Variants in COBL observed in about 807,000 individuals in gnomAD.
The protein encoded by COBL is cordon-bleu WH2 repeat protein.
In COBL, 51 loss-of-function variants were observed where a neutral mutation model predicts 98.8. The observed-to-expected ratio is 0.52, with a 90% CI of 0.41 to 0.65. The LOEUF is 0.65. Among genes scored for constraint, COBL ranks in the 30% least tolerant of loss-of-function variants. The pLI is 0.00. For synonymous variants in COBL, 634 were observed against 651.7 expected, an observed-to-expected ratio of 0.97 and a Z score of 0.41; for missense variants, 1,617 against 1,617.5, an observed-to-expected ratio of 1.00 and a Z score of 0.01.
chr7:51,247,451 G>T (rs1320901823), intron 1 of COBL, among the ~76,000 whole-genome samples: 1 of 152,194 alleles, frequency 6.6e-6, no homozygotes, highest in Non-Finnish European at 1.5e-5. Context: ...AAACGAAATA[G>T]GAATTTTTAA....
chr7:51,084,414 C>G (rs1793997963), intron 7 of COBL, among the ~76,000 whole-genome samples: 1 of 152,096 alleles, frequency 6.6e-6, no homozygotes, highest in Non-Finnish European at 1.5e-5. Flanking sequence ...GGTGTGACTC[C>G]TAGGCTGCCA....
At chr7:51,220,010 G>A (rs903689348) in intron 1 of COBL, 66 bp from the exon 2 acceptor site, 21 of 1,475,162 alleles carry the variant, frequency 1.4e-5, no homozygotes, top group Non-Finnish European at 1.8e-5. Flanking sequence ...GGAATAATTC[G>A]TTCTTACACA....
rs541708227 is a variant in COBL at position 51,097,896 on chromosome 7, C to T, written c.958-12592G>A. Among the ~76,000 whole-genome samples, 27 of 151,788 alleles carry T rather than the reference C, an allele frequency of 1.8e-4. 1 individual carries two copies. In the South Asian group the frequency reaches 5.4e-3, roughly 31 times the overall value. On this transcript the variant is annotated intron_variant, in intron 6 of 12. Coordinates refer to ENST00000265136, the MANE Select transcript of COBL (RefSeq NM_015198.5). ...AAAATTATCCGGGCATGGTGGCGGG[C>T]ACCTGTAGTCCCAGCTACTCAGGAG...
chr7:51,303,286 C>G (rs1462409338), intron 1 of COBL, among the ~76,000 whole-genome samples: 1 of 152,112 alleles, frequency 6.6e-6, no homozygotes, highest in Non-Finnish European at 1.5e-5. Flanking sequence ...CCGGGCCGGG[C>G]GTGGTGGCTC....
chr7:51,288,661 G>A (rs1042641063), intron 1 of COBL, among the ~76,000 whole-genome samples: 1 of 151,078 alleles, frequency 6.6e-6, no homozygotes, highest in African/African-American at 2.4e-5. Context: ...GGCTGAGGCA[G>A]GAGAATCGCT....
intron 1 of COBL, among the ~76,000 whole-genome samples, chr7:51,239,427 AAG>A (rs376857751): frequency 8.9e-4 from 135 of 152,344 alleles, no homozygotes; most frequent in Non-Finnish European, 1.7e-3. Flanking sequence ...TATGTCAAAA[AAG>A]GGGGTGAACC....
At chr7:51,240,603 C>T (rs1795696920) in intron 1 of COBL, among the ~76,000 whole-genome samples, 1 of 151,980 alleles carries the variant, frequency 6.6e-6, no homozygotes, top group Non-Finnish European at 1.5e-5. Context: ...CTGGAGTGCA[C>T]TGGCGCGATC....
At chr7:51,104,121 T>C (rs1796046836) in intron 6 of COBL, among the ~76,000 whole-genome samples, 1 of 152,240 alleles carries the variant, frequency 6.6e-6, no homozygotes, top group Non-Finnish European at 1.5e-5. Context: ...TAAAAGAGAT[T>C]TGTACATAAC....
At chr7:51,033,983 G>C (rs939880174) in intron 8 of COBL, 1 of 152,290 alleles carries the variant, frequency 6.6e-6, no homozygotes, top group African/African-American at 2.4e-5. Context: ...GCTTGGGGCT[G>C]CTTCTGAGCT....
intron 2 of COBL, among the ~76,000 whole-genome samples, chr7:51,208,992 G>T (rs1792117270): frequency 7.2e-6 from 1 of 139,606 alleles, no homozygotes; most frequent in Non-Finnish European, 1.5e-5. Context: ...CTCCACTATT[G>T]TCCTATGACC....
chr7:51,116,252 G>C (rs1797262272), intron 6 of COBL, among the ~76,000 whole-genome samples: 1 of 151,996 alleles, frequency 6.6e-6, no homozygotes, highest in East Asian at 1.9e-4. Context: ...CCTGTTTATT[G>C]TTTCTCTGTT....
chr7:51,309,163 G>A lies in COBL; in HGVS notation c.41+7430C>T, dbSNP rs535079340. ...ACGGCTAAGATCTCTGATCCCCCCT[G>A]CCTCCAAGCTGCCCTTTTAAGGACG... is the stretch of plus-strand genomic sequence containing the variant. On this transcript the variant is annotated intron_variant, in intron 1 of 12. Coordinates refer to ENST00000265136, the MANE Select transcript of COBL (RefSeq NM_015198.5). Among the ~76,000 whole-genome samples, 13 of 152,244 alleles carry A rather than the reference G, an allele frequency of 8.5e-5. No homozygotes were observed. The East Asian group carries it at 2.1e-3, about 25-fold the overall frequency.
At chr7:51,203,418 C>T (rs1409889112) in intron 2 of COBL, among the ~76,000 whole-genome samples, 2 of 107,094 alleles carry the variant, frequency 1.9e-5, no homozygotes, top group Non-Finnish European at 3.6e-5. Context: ...GCCGAGATCG[C>T]GCCACTGCAC....
In COBL at chr7:51,191,068, C is replaced by T. The variant is rs775204854; in HGVS notation, c.467G>A (p.Arg156His). 1.4e-5 allele frequency: 22 copies of T among 1,613,782 alleles called. No homozygotes were observed. Among genetic ancestry groups the T allele is most frequent in the South Asian group, 8.8e-5 (8 of 90,986 alleles). ...GPPKVPEKSV[R>H]LVVNYLRTQK... is the part of the protein sequence containing the mutation. ...TGTCCGCAGGTAATTCACGACCAAA[C>T]GCACAGATTTCTGGAAGAACACACA... Residue 156 changes from arginine (R) to histidine (H), a missense_variant, in exon 4 of 13, where the codon CGT becomes CAT. Physicochemically the swap from Arg to His is conservative, Grantham distance 29. Transcript: ENST00000265136.
rs576025824 is a variant in COBL, at chr7:51,134,312, G to A, written c.957+1846C>T. ...GGTTTCCATGAGCCAATTTCTCCAC[G>A]CATTCTGTGCCAAATAAAACAGATT... On this transcript the variant is annotated intron_variant, in intron 6 of 12. Transcript: ENST00000265136. Among the ~76,000 whole-genome samples the A allele has an allele frequency of 5.9e-5, 9 of 152,238 alleles. No homozygotes were observed. The East Asian group carries it at 9.6e-4, about 16-fold the overall frequency.
chr7:51,172,035 G>A (rs1787919032), intron 5 of COBL, among the ~76,000 whole-genome samples: 1 of 152,226 alleles, frequency 6.6e-6, no homozygotes. Flanking sequence ...TGCCAACTGT[G>A]CAATGTGAGG....
At chr7:51,284,726 C>CCTCA (rs1295837988) in intron 1 of COBL, among the ~76,000 whole-genome samples, 1 of 151,036 alleles carries the variant, frequency 6.6e-6, no homozygotes, top group East Asian at 2.0e-4. Context: ...ACTCAGGAGG[C>CCTCA]TGAGGCAGGA....
chr7:51,179,793 T>G (rs1026476266), intron 5 of COBL, among the ~76,000 whole-genome samples: 1 of 152,134 alleles, frequency 6.6e-6, no homozygotes, highest in Non-Finnish European at 1.5e-5. Flanking sequence ...AGTAATCTAA[T>G]TTCAAACCTG....
chr7:51,185,040 CT>C (rs1789361817), intron 4 of COBL, among the ~76,000 whole-genome samples: 1 of 152,168 alleles, frequency 6.6e-6, no homozygotes, highest in African/African-American at 2.4e-5. Context: ...TTGTTTTCTT[CT>C]TTCTTTTTCC....
Sources: allele counts gnomAD v4.1 joint callset (sites outside exome capture counted in the v4.1 genomes callset), GRCh38; gene constraint gnomAD v4.1.1; transcripts MANE v1.5; gene names NCBI Gene and HGNC (gene_info 2026-07-23, HGNC 2026-07-21).